The following NPNT variants were observed in gnomAD, a reference collection of about 807,000 sequenced individuals.
NPNT encodes the protein nephronectin, also known as preosteoblast EGF-like repeat protein with MAM domain.
NPNT carries 45 observed loss-of-function variants against 68.6 expected under a neutral mutation model. That is an observed-to-expected ratio of 0.66 (90% confidence interval 0.52 to 0.84). NPNT has a LOEUF of 0.84. Ranked by LOEUF, NPNT falls within the 40% of genes least tolerant of loss-of-function variation. The pLI is 0.00. For synonymous variants in NPNT, 233 were observed against 253.3 expected (o/e 0.92, Z 0.76); for missense variants, 672 against 714.8 (o/e 0.94, Z 0.68).
At chr4:105,962,216 T>C (rs1406995447) in intron 10 of NPNT, among the ~76,000 whole-genome samples, 1 of 152,188 alleles carries the variant, frequency 6.6e-6, no homozygotes, top group African/African-American at 2.4e-5. Context: ...GAGAATTCTT[T>C]TTTTCTAATA....
intron 8 of NPNT, among the ~76,000 whole-genome samples, chr4:105,948,821 C>G (rs753655593): frequency 9.9e-5 from 15 of 152,106 alleles, no homozygotes; most frequent in Non-Finnish European, 1.8e-4. Flanking sequence ...TGGTCTCCAA[C>G]TCCTGAGCTC....
chr4:105,942,240 T>G (rs960693975), intron 7 of NPNT, 67 bp from the exon 8 acceptor site: 14 of 1,225,068 alleles, frequency 1.1e-5, no homozygotes, highest in Non-Finnish European at 1.6e-5. Context: ...TTTATGTCTG[T>G]CAGTGTAATG....
At position 105,920,149 on chromosome 4, in the gene NPNT, T is replaced by C. The variant is rs1578608882; in HGVS notation, c.173-7187T>C. 5.9e-5 allele frequency among the ~76,000 whole-genome samples: 9 copies of C among 152,062 alleles called. 2 individuals carry two copies. The highest frequency in any genetic ancestry group is 5.9e-4 in the Admixed American group (9 of 15,264). Reference sequence around the variant, plus strand: ...TTATCAATAACTACCGTTATTCTTCTTGATGCTCAAACAATCCCAAATCTA... The same window carrying C: ...TTATCAATAACTACCGTTATTCTTCCTGATGCTCAAACAATCCCAAATCTA... On this transcript the variant is annotated intron_variant, in intron 2 of 11. Transcript: ENST00000379987.
At chr4:105,914,695 G>A (rs1727663899) in intron 2 of NPNT, among the ~76,000 whole-genome samples, 1 of 151,792 alleles carries the variant, frequency 6.6e-6, no homozygotes, top group African/African-American at 2.4e-5. Flanking sequence ...GCCCAGACCA[G>A]CAGTGATGGA....
intron 8 of NPNT, among the ~76,000 whole-genome samples, chr4:105,957,770 G>A (rs1731356360): frequency 6.6e-6 from 1 of 152,228 alleles, no homozygotes; most frequent in African/African-American, 2.4e-5. Context: ...CACAGAGGCC[G>A]TGATATTTAT....
At chr4:105,925,367 A>C (rs930318161) in intron 2 of NPNT, among the ~76,000 whole-genome samples, 1 of 152,090 alleles carries the variant, frequency 6.6e-6, no homozygotes, top group African/African-American at 2.4e-5. Context: ...TTGTGGTGGT[A>C]CAGGGTCCAG....
At chr4:105,962,717 A>G (rs946910497) in intron 10 of NPNT, among the ~76,000 whole-genome samples, 1 of 152,166 alleles carries the variant, frequency 6.6e-6, no homozygotes, top group African/African-American at 2.4e-5. Flanking sequence ...AAGGCAGGAT[A>G]TGTGAGGATG....
chr4:105,960,467 G>A (rs1731634677), intron 10 of NPNT, among the ~76,000 whole-genome samples: 1 of 151,932 alleles, frequency 6.6e-6, no homozygotes, highest in African/African-American at 2.4e-5. Flanking sequence ...TGAGTAACAA[G>A]GTATTAAAAA....
chr4:105,958,155 A>AGATG (rs1169699612), intron 8 of NPNT, among the ~76,000 whole-genome samples: 1 of 152,236 alleles, frequency 6.6e-6, no homozygotes, highest in Non-Finnish European at 1.5e-5. Context: ...AATTTCATAG[A>AGATG]GATGAATAGT....
intron 2 of NPNT, among the ~76,000 whole-genome samples, chr4:105,905,896 A>T (rs151047516): frequency 1.3e-5 from 2 of 152,344 alleles, no homozygotes; most frequent in Admixed American, 6.5e-5. Context: ...ATTACAGAGT[A>T]GAAACCTTCT....
intron 2 of NPNT, among the ~76,000 whole-genome samples, chr4:105,907,169 T>C (rs1282928441): frequency 6.6e-6 from 1 of 152,174 alleles, no homozygotes; most frequent in African/African-American, 2.4e-5. Flanking sequence ...ACTCTGCATA[T>C]CAACATCCCG....
At chr4:105,947,907 A>G (rs992329675) in intron 8 of NPNT, among the ~76,000 whole-genome samples, 7 of 152,156 alleles carry the variant, frequency 4.6e-5, no homozygotes, top group African/African-American at 9.7e-5. Flanking sequence ...GTAGAGATTT[A>G]TGGGCAGCTA....
At chr4:105,959,233 T>C in intron 10 of NPNT, 107 bp downstream of exon 10, 1 of 689,048 alleles carries the variant, frequency 1.5e-6, no homozygotes. Flanking sequence ...CTGTGTTTAC[T>C]TGATAAAGAT....
rs185240187 is a variant in NPNT, at chr4:105,968,334, G to A, written c.1603-561G>A. ...AATCATTTTAAATCATAGCACTTAG[G>A]TTTTCTCTTGTTTTATAAGGAGCAA... On this transcript the variant is annotated intron_variant, in intron 11 of 11. Transcript: ENST00000379987. 6.6e-5 allele frequency among the ~76,000 whole-genome samples: 10 copies of A among 152,176 alleles called. No homozygotes were observed. In the East Asian group the frequency reaches 1.2e-3, roughly 18 times the overall value.
At chr4:105,902,280 T>C (rs1261709678) in intron 2 of NPNT, among the ~76,000 whole-genome samples, 1 of 152,254 alleles carries the variant, frequency 6.6e-6, no homozygotes, top group Non-Finnish European at 1.5e-5. Context: ...ACAGAGAGGT[T>C]ATACTAGTAA....
chr4:105,955,599 C>G (rs1028509886), intron 8 of NPNT, among the ~76,000 whole-genome samples: 11 of 150,254 alleles, frequency 7.3e-5, no homozygotes, highest in African/African-American at 2.7e-4. Flanking sequence ...AAAAGTGAAC[C>G]AATACAAATG....
chr4:105,939,141 C>A (rs912665783), intron 5 of NPNT, among the ~76,000 whole-genome samples: 3 of 152,154 alleles, frequency 2.0e-5, no homozygotes, highest in Admixed American at 6.5e-5. Flanking sequence ...AGATTTTGAT[C>A]CCCACAAAGC....
intron 1 of NPNT, among the ~76,000 whole-genome samples, chr4:105,896,481 T>C (rs1725858183): frequency 6.6e-6 from 1 of 152,188 alleles, no homozygotes; most frequent in South Asian, 2.1e-4. Context: ...ACACTGGGTC[T>C]GTCGGGAGGG....
intron 2 of NPNT, among the ~76,000 whole-genome samples, chr4:105,924,046 C>T: frequency 2.0e-5 from 3 of 151,884 alleles, no homozygotes; most frequent in Non-Finnish European, 4.4e-5. Flanking sequence ...TGCGCCCCCC[C>T]CCCACCACTT....
Sources: allele counts gnomAD v4.1 joint callset (sites outside exome capture counted in the v4.1 genomes callset), GRCh38; gene constraint gnomAD v4.1.1; transcripts MANE v1.5; gene names NCBI Gene and HGNC (gene_info 2026-07-23, HGNC 2026-07-21).